PCDH15: variants seen among roughly 807,000 people sequenced by gnomAD.
The protein encoded by PCDH15 is protocadherin-15.
PCDH15 carries 129 observed loss-of-function variants against 178.5 expected under a neutral mutation model. The observed-to-expected ratio is 0.72, with a 90% confidence interval of 0.63 to 0.84. PCDH15 has a LOEUF of 0.84. PCDH15 is among the 40% of genes least tolerant of loss of function. PCDH15 has a pLI of 0.00. For missense variants in PCDH15, 2,230 were observed against 2,099.9 expected (o/e 1.06, Z -1.21); for synonymous variants, 800 against 732.0 (o/e 1.09, Z -1.50).
At chr10:55,247,286 G>T (rs1841701354) in intron 1 of PCDH15, among the ~76,000 whole-genome samples, 1 of 152,078 alleles carries the variant, frequency 6.6e-6, no homozygotes, top group Non-Finnish European at 1.5e-5. Flanking sequence ...AAATAAAACT[G>T]GTGTAGAAAT....
At chr10:55,613,659 T>G (rs1315460584) in intron 2 of PCDH15, among the ~76,000 whole-genome samples, 2 of 152,158 alleles carry the variant, frequency 1.3e-5, no homozygotes, top group African/African-American at 4.8e-5. Context: ...ACAAACTAAG[T>G]GTATTAAATG....
chr10:54,200,323 G>A (rs1334548389), intron 10 of PCDH15, among the ~76,000 whole-genome samples: 1 of 124,126 alleles, frequency 8.1e-6, no homozygotes, highest in Non-Finnish European at 1.6e-5. Context: ...TGTGCAGAAT[G>A]TGCAGGTTTG....
At chr10:55,223,504 C>T (rs926137590) in intron 1 of PCDH15, among the ~76,000 whole-genome samples, 4 of 152,060 alleles carry the variant, frequency 2.6e-5, no homozygotes, top group Non-Finnish European at 5.9e-5. Flanking sequence ...TTGTAAGAAA[C>T]GTAGTCTCTT....
intron 2 of PCDH15, among the ~76,000 whole-genome samples, chr10:55,367,539 C>G (rs1845397167): frequency 1.3e-5 from 2 of 152,042 alleles, no homozygotes; most frequent in Non-Finnish European, 2.9e-5. Flanking sequence ...CATGATCATG[C>G]CACTGTACCT....
rs145573306 is a variant in PCDH15 at position 55,402,550 on chromosome 10, C to T, written c.-156+225075G>A. 4.7e-3 allele frequency among the ~76,000 whole-genome samples: 709 copies of T among 152,030 alleles called. 6 individuals carry two copies. The highest frequency in any genetic ancestry group is 0.016 in the African/African-American group (678 of 41,532). Reference sequence around the variant, plus strand: ...CTAATAACCATTATGCTACTCTCTACTCCACAAGTGAGAATATACAATTTT... The same window carrying T: ...CTAATAACCATTATGCTACTCTCTATTCCACAAGTGAGAATATACAATTTT... On this transcript the variant is annotated intron_variant, in intron 2 of 5. Coordinates refer to the PCDH15 transcript ENST00000613346.
chr10:54,768,898 A>G (rs1241529130), intron 1 of PCDH15, among the ~76,000 whole-genome samples: 1 of 152,128 alleles, frequency 6.6e-6, no homozygotes, highest in African/African-American at 2.4e-5. Flanking sequence ...TTTAGTTTGA[A>G]ACCTAAATAG....
At chr10:54,756,496 G>A (rs1206677809) in intron 1 of PCDH15, among the ~76,000 whole-genome samples, 1 of 152,118 alleles carries the variant, frequency 6.6e-6, no homozygotes, top group Non-Finnish European at 1.5e-5. Context: ...AATAAGCCAT[G>A]CATAGACATA....
At chr10:54,808,181 C>T (rs1042536995) in intron 3 of PCDH15, among the ~76,000 whole-genome samples, 1 of 152,120 alleles carries the variant, frequency 6.6e-6, no homozygotes, top group South Asian at 2.1e-4. Context: ...CTCTTTAACT[C>T]AGTAATCACT....
At chr10:54,821,375 G>A (rs1311237645) in intron 3 of PCDH15, among the ~76,000 whole-genome samples, 1 of 151,878 alleles carries the variant, frequency 6.6e-6, no homozygotes, top group African/African-American at 2.4e-5. Flanking sequence ...TCCCATTGTT[G>A]TAGGGGCTAA....
chr10:54,900,696 G>A (rs1407660165), intron 2 of PCDH15, among the ~76,000 whole-genome samples: 1 of 152,078 alleles, frequency 6.6e-6, no homozygotes, highest in Non-Finnish European at 1.5e-5. Flanking sequence ...TGTATAAATG[G>A]CAACAATACC....
intron 3 of PCDH15, among the ~76,000 whole-genome samples, chr10:54,882,384 T>G (rs1475728826): frequency 6.6e-6 from 1 of 152,052 alleles, no homozygotes; most frequent in East Asian, 1.9e-4. Flanking sequence ...GGAAAATGTC[T>G]ACTTCCCCAC....
intron 2 of PCDH15, among the ~76,000 whole-genome samples, chr10:54,966,651 A>T (rs1209818870): frequency 6.6e-6 from 1 of 152,100 alleles, no homozygotes; most frequent in Non-Finnish European, 1.5e-5. Flanking sequence ...TCATTGAATC[A>T]TGGGGGCAGT....
intron 26 of PCDH15, among the ~76,000 whole-genome samples, chr10:53,878,279 C>T (rs1380558410): frequency 1.5e-5 from 2 of 134,706 alleles, no homozygotes; most frequent in African/African-American, 3.1e-5. Context: ...GGCATACACA[C>T]ACACACTTTG....
chr10:55,496,298 G>A (rs1046929285), intron 2 of PCDH15, among the ~76,000 whole-genome samples: 22 of 151,872 alleles, frequency 1.4e-4, no homozygotes, highest in Middle Eastern at 3.4e-3. Flanking sequence ...GCACAAATGC[G>A]TGTGCGTGCG....
At chr10:55,238,698 C>G (rs1178919470) in intron 1 of PCDH15, among the ~76,000 whole-genome samples, 2 of 151,858 alleles carry the variant, frequency 1.3e-5, no homozygotes, top group Non-Finnish European at 2.9e-5. Context: ...GTTCTTGAAT[C>G]ACTTTTTTCT....
intron 12 of PCDH15, among the ~76,000 whole-genome samples, chr10:54,184,926 A>C (rs2048354324): frequency 6.6e-6 from 1 of 152,066 alleles, no homozygotes; most frequent in Admixed American, 6.6e-5. Flanking sequence ...TGTGAGGAAG[A>C]ATGTTAATAT....
chr10:54,678,320 A>G (rs2094830379), intron 1 of PCDH15, among the ~76,000 whole-genome samples: 1 of 152,196 alleles, frequency 6.6e-6, no homozygotes, highest in African/African-American at 2.4e-5. Context: ...CATGTGAGCA[A>G]TCTTTAAAAT....
intron 2 of PCDH15, among the ~76,000 whole-genome samples, chr10:55,017,709 C>T (rs1211296325): frequency 2.0e-5 from 3 of 151,818 alleles, no homozygotes; most frequent in African/African-American, 4.8e-5. Flanking sequence ...CTAGTGGCTA[C>T]AACATGTAAA....
intron 2 of PCDH15, among the ~76,000 whole-genome samples, chr10:55,472,210 T>C (rs930409675): frequency 3.9e-5 from 6 of 152,220 alleles, no homozygotes; most frequent in Non-Finnish European, 7.3e-5. Flanking sequence ...TCTCTGCTTT[T>C]AAAGGAACCT....
Sources: gnomAD v4.1 joint callset for allele counts (sites outside exome capture counted in the v4.1 genomes callset) on GRCh38, gnomAD v4.1.1 for gene constraint, MANE v1.5 for transcripts, NCBI Gene and HGNC (gene_info 2026-07-23, HGNC 2026-07-21) for gene names.